The following LAMA2 variants were observed in gnomAD, a reference collection of about 807,000 sequenced individuals.
LAMA2 encodes laminin subunit alpha 2.
A neutral mutation model predicts 364.8 loss-of-function variants in LAMA2; 269 were observed. That is an observed-to-expected ratio of 0.74 (90% CI 0.67 to 0.82). The LOEUF (loss-of-function observed/expected upper bound fraction) is 0.82, where lower values mean the gene tolerates loss of function less well. Among genes scored for constraint, LAMA2 ranks in the 40% least tolerant of loss-of-function variants. The pLI is 0.00. For missense variants in LAMA2, 3,807 were observed against 3,873.2 expected (o/e 0.98, Z 0.45); for synonymous variants, 1,379 against 1,370.6 (o/e 1.01, Z -0.14).
chr6:129,260,844 C>T, intron 15 of LAMA2, 22 bp downstream of exon 15: 1 of 1,393,236 alleles, frequency 7.2e-7, no homozygotes, highest in Non-Finnish European at 1.0e-6. Flanking sequence ...AGAATGTATC[C>T]TTAGTGCTTT....
At chr6:129,192,934 G>C in intron 12 of LAMA2, 81 bp downstream of exon 12, 1 of 1,380,116 alleles carries the variant, frequency 7.2e-7, no homozygotes, top group South Asian at 1.2e-5. Flanking sequence ...TTCTTTTAAA[G>C]AAAGACAAAA....
intron 12 of LAMA2, among the ~76,000 whole-genome samples, chr6:129,195,822 G>C (rs1781803931): frequency 6.6e-6 from 1 of 152,196 alleles, no homozygotes; most frequent in Admixed American, 6.5e-5. Flanking sequence ...CAGCTATTCA[G>C]AAACAGTTTG....
intron 55 of LAMA2, among the ~76,000 whole-genome samples, chr6:129,481,782 C>T (rs1219402580): frequency 1.3e-5 from 2 of 152,166 alleles, no homozygotes; most frequent in African/African-American, 2.4e-5. Context: ...CGACTCCTTA[C>T]CAAATCTGTA....
At chr6:129,118,281 A>G (rs1776590833) in intron 4 of LAMA2, among the ~76,000 whole-genome samples, 1 of 152,240 alleles carries the variant, frequency 6.6e-6, no homozygotes, top group Non-Finnish European at 1.5e-5. Context: ...GTAAAAAATA[A>G]AAAACAAAAA....
intron 12 of LAMA2, among the ~76,000 whole-genome samples, chr6:129,243,246 A>G (rs1156768890): frequency 2.6e-5 from 4 of 152,286 alleles, no homozygotes; most frequent in East Asian, 1.9e-4. Context: ...TACACAGCAG[A>G]CAAAACATAT....
At chr6:129,159,088 C>G in intron 8 of LAMA2, 1 of 1,578,502 alleles carries the variant, frequency 6.3e-7, no homozygotes, top group Non-Finnish European at 8.7e-7. Context: ...AATAGGCTCC[C>G]AATAATCTGA....
rs1140366 is a variant in LAMA2 at position 129,049,961 on chromosome 6, C to T, written c.156C>T (p.Ile52=). 164,877 of 1,613,378 alleles carry T rather than the reference C, an allele frequency of 0.1. 9,220 individuals are homozygous for T. Among genetic ancestry groups the T allele is most frequent in the East Asian group, 0.17 (7,535 of 44,852 alleles). The change falls in exon 2 of 65, where the codon ATC becomes ATT. Residue 52 remains isoleucine (I), a synonymous_variant. Coordinates refer to ENST00000421865, the MANE Select transcript of LAMA2 (RefSeq NM_000426.4). ...AVLNLASNAL[I]TTNATCGEKG... is the part of the protein sequence containing the mutation. ...TGAATCTTGCTTCTAATGCTCTTAT[C>T]ACGACCAATGCAACATGTGGAGAAA...
At chr6:128,959,651 C>T (rs1781358367) in intron 1 of LAMA2, among the ~76,000 whole-genome samples, 2 of 152,172 alleles carry the variant, frequency 1.3e-5, no homozygotes, top group South Asian at 2.1e-4. Context: ...ATTTACCATT[C>T]CCAATGAGCC....
At chr6:129,201,375 A>T (rs2115052704) in intron 12 of LAMA2, among the ~76,000 whole-genome samples, 1 of 152,318 alleles carries the variant, frequency 6.6e-6, no homozygotes, top group South Asian at 2.1e-4. Flanking sequence ...AGAGAGCTGC[A>T]GCTATCTGCA....
At chr6:129,103,551 G>T (rs541395258) in intron 4 of LAMA2, among the ~76,000 whole-genome samples, 7 of 152,082 alleles carry the variant, frequency 4.6e-5, no homozygotes, top group Non-Finnish European at 1.5e-5. Flanking sequence ...TCACTGATCT[G>T]TGACAGTTTT....
chr6:128,920,574 C>G (rs983442889), intron 1 of LAMA2, among the ~76,000 whole-genome samples: 8 of 151,842 alleles, frequency 5.3e-5, no homozygotes, highest in Non-Finnish European at 1.2e-4. Context: ...ACCCTTTTCC[C>G]AATTAACCAT....
intron 4 of LAMA2, among the ~76,000 whole-genome samples, chr6:129,123,018 G>A (rs1324530574): frequency 2.0e-5 from 3 of 152,062 alleles, no homozygotes; most frequent in Admixed American, 6.6e-5. Context: ...ATGGGACTGC[G>A]AGGCCGGGTG....
chr6:129,021,642 T>C (rs79975593), intron 1 of LAMA2, among the ~76,000 whole-genome samples: 2 of 152,290 alleles, frequency 1.3e-5, no homozygotes, highest in African/African-American at 4.8e-5. Context: ...TCCCTTTGAA[T>C]AGCTCAGGCA....
chr6:129,161,939 G>A (rs1285245129), intron 8 of LAMA2, among the ~76,000 whole-genome samples: 1 of 152,044 alleles, frequency 6.6e-6, no homozygotes, highest in African/African-American at 2.4e-5. Flanking sequence ...CTTTGTTATT[G>A]TGAATAGGGC....
At chr6:129,078,535 T>A (rs2114833613) in intron 3 of LAMA2, among the ~76,000 whole-genome samples, 1 of 152,314 alleles carries the variant, frequency 6.6e-6, no homozygotes, top group African/African-American at 2.4e-5. Context: ...CCCTACTGAC[T>A]CTTTGTCAAA....
At chr6:129,254,305 C>G (rs1223867949) in intron 14 of LAMA2, among the ~76,000 whole-genome samples, 3 of 152,146 alleles carry the variant, frequency 2.0e-5, no homozygotes, top group Admixed American at 2.0e-4. Context: ...GACTGCGGGT[C>G]AAGAATTTTG....
intron 1 of LAMA2, among the ~76,000 whole-genome samples, chr6:128,984,146 C>T (rs554838443): frequency 1.3e-5 from 2 of 152,276 alleles, no homozygotes; most frequent in African/African-American, 4.8e-5. Flanking sequence ...CCTTTCCCTT[C>T]CTTTCAGTCA....
chr6:129,171,313 T>C (rs894010361), intron 9 of LAMA2, among the ~76,000 whole-genome samples: 56 of 152,272 alleles, frequency 3.7e-4, no homozygotes, highest in East Asian at 1.2e-3. Flanking sequence ...TGGCTGGTAC[T>C]GGTTGTTCCT....
At chr6:129,210,873 G>A (rs1783057166) in intron 12 of LAMA2, among the ~76,000 whole-genome samples, 1 of 152,058 alleles carries the variant, frequency 6.6e-6, no homozygotes, top group Admixed American at 6.6e-5. Flanking sequence ...TGGCTACAGT[G>A]GTCGACAGAG....
Sources: gnomAD v4.1 joint callset for allele counts (sites outside exome capture counted in the v4.1 genomes callset) on GRCh38, gnomAD v4.1.1 for gene constraint, MANE v1.5 for transcripts, NCBI Gene and HGNC (gene_info 2026-07-23, HGNC 2026-07-21) for gene names.